SCAI: variants seen among roughly 807,000 people sequenced by gnomAD.
The protein encoded by SCAI is protein SCAI.
A neutral mutation model predicts 92.2 loss-of-function variants in SCAI; 24 were observed. That is an observed-to-expected ratio of 0.26 (90% confidence interval 0.19 to 0.37). The LOEUF (loss-of-function observed/expected upper bound fraction) is 0.37, where lower values mean the gene tolerates loss of function less well. Among genes scored for constraint, SCAI ranks in the 10% least tolerant of loss-of-function variants. The pLI is 1.00. For missense variants in SCAI, 450 were observed against 736.2 expected (o/e 0.61, Z 4.50); for synonymous variants, 261 against 258.6 (o/e 1.01, Z -0.09).
chr9:125,103,756 C>T (rs1834723864), intron 2 of SCAI, among the ~76,000 whole-genome samples: 1 of 152,134 alleles, frequency 6.6e-6, no homozygotes, highest in East Asian at 1.9e-4. Context: ...TTAGGACTTC[C>T]TGAGTTTCAC....
At chr9:125,058,581 T>C (rs982538001) in intron 2 of SCAI, among the ~76,000 whole-genome samples, 2 of 152,178 alleles carry the variant, frequency 1.3e-5, no homozygotes, top group African/African-American at 4.8e-5. Context: ...ACATGCATGG[T>C]GTGTGTGTCT....
At chr9:125,107,902 C>G (rs965439292) in intron 2 of SCAI, among the ~76,000 whole-genome samples, 7 of 152,214 alleles carry the variant, frequency 4.6e-5, no homozygotes, top group Admixed American at 4.6e-4. Flanking sequence ...GACTGTACTG[C>G]TGCCGTCTCC....
At chr9:125,039,405 GAAAAGA>G (rs896217593) in intron 3 of SCAI, among the ~76,000 whole-genome samples, 9 of 142,002 alleles carry the variant, frequency 6.3e-5, no homozygotes, top group South Asian at 2.2e-4. Context: ...AAAAAAAAAA[GAAAAGA>G]AAAAGAAAAA....
intron 13 of SCAI, among the ~76,000 whole-genome samples, chr9:124,999,128 C>T (rs1832304942): frequency 6.6e-6 from 1 of 151,640 alleles, no homozygotes; most frequent in Non-Finnish European, 1.5e-5. Context: ...GTGGCTCACA[C>T]CTGTAATCCC....
At chr9:125,052,342 G>A (rs1395197187) in intron 3 of SCAI, among the ~76,000 whole-genome samples, 7 of 151,844 alleles carry the variant, frequency 4.6e-5, no homozygotes, top group Admixed American at 6.6e-5. Flanking sequence ...AGGTCGAGGC[G>A]GGTGGATCAC....
intron 14 of SCAI, among the ~76,000 whole-genome samples, chr9:124,989,393 A>G (rs977114195): frequency 1.3e-5 from 2 of 152,034 alleles, no homozygotes; most frequent in Non-Finnish European, 2.9e-5. Context: ...CAACCTGGCC[A>G]ACATGGTGAA....
At chr9:125,137,871 G>A (rs1835573636) in intron 2 of SCAI, among the ~76,000 whole-genome samples, 1 of 152,088 alleles carries the variant, frequency 6.6e-6, no homozygotes. Flanking sequence ...CAAAGTGCTG[G>A]GATTACAGAT....
chr9:125,054,883 C>A (rs1833632813), intron 3 of SCAI, among the ~76,000 whole-genome samples: 1 of 152,042 alleles, frequency 6.6e-6, no homozygotes, highest in Non-Finnish European at 1.5e-5. Context: ...CTCTTAGGGA[C>A]ATTTCATTTT....
rs139146382 is a variant in SCAI at position 125,040,602 on chromosome 9, C to T, written c.231-10863G>A. ...TATCTTCCTGATGAACATTTATATT[C>T]TTTCTACTTTTTCCCTGTTTTGTTT... On this transcript the variant is annotated intron_variant, in intron 3 of 17. Coordinates refer to ENST00000336505, the MANE Select transcript of SCAI (RefSeq NM_001144877.3). Among the ~76,000 whole-genome samples the T allele has an allele frequency of 5.1e-4, 77 of 151,870 alleles. No homozygotes were observed. In the East Asian group the frequency reaches 8.0e-3, roughly 16 times the overall value.
chr9:125,101,072 C>G lies in SCAI; in HGVS notation c.98+41561G>C, dbSNP rs141909060. Reference sequence around the variant, plus strand: ...AGACCCCATCTCTTAACAACAACAACAACAACAAACCCAACTGAGACTGAA... The same window carrying G: ...AGACCCCATCTCTTAACAACAACAAGAACAACAAACCCAACTGAGACTGAA... On this transcript the variant is annotated intron_variant, in intron 2 of 17. Transcript: ENST00000336505. Among the ~76,000 whole-genome samples the G allele has an allele frequency of 2.6e-5, 4 of 152,188 alleles. No individual in the cohort carries two copies. The East Asian group carries it at 7.7e-4, about 29-fold the overall frequency.
chr9:124,946,758 C>A lies in SCAI; in HGVS notation c.*6049G>T, dbSNP rs947473808. On this transcript the variant is annotated 3_prime_UTR_variant, in exon 18 of 18. Transcript: ENST00000336505. This position sits in a 1 kb window ranked among gnomAD's most constrained non-coding sequence, Gnocchi z 4.0. Reference sequence around the variant, plus strand: ...CACACCATGCATCTAATATTAAAAACTCTACTTCATGTGCGAATATATCAT... The same window carrying A: ...CACACCATGCATCTAATATTAAAAAATCTACTTCATGTGCGAATATATCAT... 8 of 152,188 alleles carry A rather than the reference C, an allele frequency of 5.3e-5. No homozygotes were observed. The highest frequency in any genetic ancestry group is 2.4e-5 in the African/African-American group (1 of 41,436). 9.4% of individuals were successfully genotyped at this position (152,188 alleles called of 1,614,324 possible). A position where few individuals can be genotyped will look rare whatever the true frequency, so the allele number is the denominator to read the frequency against.
intron 9 of SCAI, among the ~76,000 whole-genome samples, chr9:125,018,087 A>C (rs1239400653): frequency 6.6e-6 from 1 of 151,806 alleles, no homozygotes; most frequent in Non-Finnish European, 1.5e-5. Flanking sequence ...TACATTTTGG[A>C]AACTTTATTA....
intron 2 of SCAI, among the ~76,000 whole-genome samples, chr9:125,107,389 C>T (rs62580566): frequency 0.025 from 3,562 of 140,098 alleles, 52 homozygotes; most frequent in Middle Eastern, 0.065. Context: ...AGCCTGGCGA[C>T]AGAGGGAGAC....
Position 124,952,453 on chromosome 9 carries a change from AG to A in SCAI, c.*353del. ...ATTTCCAAATCCAGACATTTAACTT[AG>A]GTCCAAGTATAAGAGTTGGATTTAC... On this transcript the variant is annotated 3_prime_UTR_variant, in exon 18 of 18. Coordinates refer to ENST00000336505, the MANE Select transcript of SCAI (RefSeq NM_001144877.3). 6.0e-6 allele frequency: 1 copy of A among 165,320 alleles called. No homozygotes were observed. 10.2% of individuals were successfully genotyped at this position (165,320 alleles called of 1,614,324 possible). A position where few individuals can be genotyped will look rare whatever the true frequency, so the allele number is the denominator to read the frequency against.
chr9:125,117,912 G>A (rs1266381098), intron 2 of SCAI, among the ~76,000 whole-genome samples: 1 of 151,860 alleles, frequency 6.6e-6, no homozygotes, highest in Non-Finnish European at 1.5e-5. Context: ...TGTTACTTTG[G>A]GTCAATCACT....
chr9:125,126,751 A>C (rs1424031414), intron 2 of SCAI, among the ~76,000 whole-genome samples: 1 of 152,234 alleles, frequency 6.6e-6, no homozygotes, highest in East Asian at 1.9e-4. Context: ...CATCTTTTAA[A>C]GAAGGGAAAA....
At chr9:125,080,047 A>C (rs1834178709) in intron 2 of SCAI, among the ~76,000 whole-genome samples, 1 of 145,696 alleles carries the variant, frequency 6.9e-6, no homozygotes, top group Admixed American at 6.7e-5. Flanking sequence ...GGAAGTTATC[A>C]AAAAAAAAGA....
intron 3 of SCAI, among the ~76,000 whole-genome samples, chr9:125,042,176 C>A (rs1833328413): frequency 3.3e-5 from 5 of 152,134 alleles, no homozygotes; most frequent in Admixed American, 3.3e-4. Flanking sequence ...TATGAATTAG[C>A]TAATCATATT....
At chr9:125,108,360 C>G (rs1170377917) in intron 2 of SCAI, among the ~76,000 whole-genome samples, 1 of 151,476 alleles carries the variant, frequency 6.6e-6, no homozygotes, top group Non-Finnish European at 1.5e-5. Flanking sequence ...CGCCTCTTCC[C>G]GGCCGCCATC....
Sources: gnomAD v4.1 joint callset for allele counts (sites outside exome capture counted in the v4.1 genomes callset) on GRCh38, gnomAD v4.1.1 for gene constraint, Gnocchi (gnomAD v3.1) non-coding constraint, MANE v1.5 for transcripts, NCBI Gene and HGNC (gene_info 2026-07-23, HGNC 2026-07-21) for gene names.